The following THSD7B variants were observed in gnomAD, a reference collection of about 807,000 sequenced individuals.
THSD7B encodes thrombospondin type-1 domain-containing protein 7B.
A neutral mutation model predicts 213.6 loss-of-function variants in THSD7B; 138 were observed. The ratio of observed to expected loss-of-function variants is 0.65; its 90% confidence interval spans 0.56 to 0.74. The LOEUF (loss-of-function observed/expected upper bound fraction) is 0.74. THSD7B is among the 30% of genes least tolerant of loss of function. The pLI is 0.00. For missense variants in THSD7B, 1,931 were observed against 1,991.5 expected (o/e 0.97, Z 0.58); for synonymous variants, 742 against 687.0 (o/e 1.08, Z -1.25).
At chr2:137,544,503 A>G (rs1177663482) in intron 15 of THSD7B, among the ~76,000 whole-genome samples, 1 of 151,708 alleles carries the variant, frequency 6.6e-6, no homozygotes, top group Non-Finnish European at 1.5e-5. Flanking sequence ...GCGATGAGGA[A>G]ATATTCTAGA....
intron 7 of THSD7B, among the ~76,000 whole-genome samples, chr2:137,190,219 A>T (rs1429497725): frequency 2.6e-5 from 4 of 151,830 alleles, no homozygotes; most frequent in Non-Finnish European, 5.9e-5. Flanking sequence ...GATTTTTTGA[A>T]CTCTGTGGGT....
At chr2:137,162,328 C>A (rs1014575919) in intron 6 of THSD7B, among the ~76,000 whole-genome samples, 1 of 152,264 alleles carries the variant, frequency 6.6e-6, no homozygotes, top group Admixed American at 6.5e-5. Context: ...CCATTGGTCC[C>A]CGGAAGAGTC....
chr2:137,571,382 G>A (rs1198167331), intron 16 of THSD7B, among the ~76,000 whole-genome samples: 1 of 152,160 alleles, frequency 6.6e-6, no homozygotes, highest in Non-Finnish European at 1.5e-5. Flanking sequence ...GAATAGTGCT[G>A]CTATGAACAT....
At chr2:137,504,799 G>A (rs1421604185) in intron 15 of THSD7B, among the ~76,000 whole-genome samples, 3 of 151,680 alleles carry the variant, frequency 2.0e-5, no homozygotes, top group Non-Finnish European at 4.4e-5. Flanking sequence ...AAGCTGCCAA[G>A]TAAAATAGTA....
chr2:137,191,885 CT>C (rs1680667049), intron 7 of THSD7B, among the ~76,000 whole-genome samples: 1 of 152,018 alleles, frequency 6.6e-6, no homozygotes, highest in Non-Finnish European at 1.5e-5. Flanking sequence ...TTTTTTATGG[CT>C]TCATTGTATC....
At chr2:136,880,508 G>T (rs1683600420) in intron 1 of THSD7B, among the ~76,000 whole-genome samples, 1 of 152,024 alleles carries the variant, frequency 6.6e-6, no homozygotes, top group Non-Finnish European at 1.5e-5. Context: ...ACTGTACATG[G>T]ATATCTGGTA....
intron 6 of THSD7B, among the ~76,000 whole-genome samples, chr2:137,168,794 C>G (rs1215635169): frequency 6.6e-6 from 1 of 152,092 alleles, no homozygotes; most frequent in Non-Finnish European, 1.5e-5. Flanking sequence ...AATAAATAAG[C>G]AGCATGCAGA....
At chr2:136,844,904 C>T (rs1419239243) in intron 1 of THSD7B, among the ~76,000 whole-genome samples, 2 of 152,196 alleles carry the variant, frequency 1.3e-5, no homozygotes, top group East Asian at 3.8e-4. Flanking sequence ...CTAGGTTTGC[C>T]AACACTTTAA....
At chr2:137,175,918 G>C (rs1324579751) in intron 7 of THSD7B, among the ~76,000 whole-genome samples, 3 of 152,046 alleles carry the variant, frequency 2.0e-5, no homozygotes, top group Non-Finnish European at 2.9e-5. Flanking sequence ...TTATTTTTTG[G>C]AATATTTTGC....
At chr2:136,776,443 T>C (rs1485553535) in intron 1 of THSD7B, among the ~76,000 whole-genome samples, 2 of 152,042 alleles carry the variant, frequency 1.3e-5, no homozygotes, top group African/African-American at 4.8e-5. Flanking sequence ...ATCTCTGGTT[T>C]ACTGGTCCAC....
chr2:136,872,058 A>G (rs747725269), intron 1 of THSD7B, among the ~76,000 whole-genome samples: 7 of 152,224 alleles, frequency 4.6e-5, no homozygotes, highest in Non-Finnish European at 1.0e-4. Context: ...ATCAACATAC[A>G]TAGATGTTTA....
chr2:137,163,095 C>T (rs1180120536), intron 6 of THSD7B, among the ~76,000 whole-genome samples: 1 of 152,148 alleles, frequency 6.6e-6, no homozygotes, highest in African/African-American at 2.4e-5. Context: ...GGAACTGGCC[C>T]ATGGAACTTC....
At chr2:137,417,394 T>G (rs895071289) in intron 14 of THSD7B, among the ~76,000 whole-genome samples, 2 of 152,174 alleles carry the variant, frequency 1.3e-5, no homozygotes, top group African/African-American at 4.8e-5. Context: ...AGAGCTTTTT[T>G]TTTCTAATTC....
intron 12 of THSD7B, among the ~76,000 whole-genome samples, chr2:137,324,811 T>G (rs1349639480): frequency 3.9e-5 from 6 of 152,116 alleles, no homozygotes; most frequent in African/African-American, 1.4e-4. Context: ...GAAGACAAAT[T>G]AAAATTAGGA....
chr2:137,237,683 T>A (rs1046553020), intron 9 of THSD7B, among the ~76,000 whole-genome samples: 1 of 152,170 alleles, frequency 6.6e-6, no homozygotes, highest in Non-Finnish European at 1.5e-5. Context: ...TTTTCAGAAG[T>A]TGGGGAGAAC....
chr2:137,489,257 T>C (rs1688551485), intron 15 of THSD7B, among the ~76,000 whole-genome samples: 1 of 151,748 alleles, frequency 6.6e-6, no homozygotes, highest in Non-Finnish European at 1.5e-5. Flanking sequence ...AAACCCCATC[T>C]CTACTAAAAT....
chr2:136,809,558 C>A (rs1482901646), intron 1 of THSD7B, among the ~76,000 whole-genome samples: 1 of 152,114 alleles, frequency 6.6e-6, no homozygotes, highest in Non-Finnish European at 1.5e-5. Context: ...GAGACCCTGC[C>A]TTTCTAATAA....
intron 3 of THSD7B, among the ~76,000 whole-genome samples, chr2:137,076,879 A>G (rs35967139): frequency 0.099 from 14,994 of 151,880 alleles, 1,034 homozygotes; most frequent in African/African-American, 0.19. Flanking sequence ...CAATGTGCAT[A>G]TTAGTTACAT....
chr2:137,115,099 CT>C, intron 4 of THSD7B, 24 bp from the exon 5 acceptor site: 1 of 1,613,544 alleles, frequency 6.2e-7, no homozygotes, highest in Non-Finnish European at 8.5e-7. Flanking sequence ...TCTTCTTCTT[CT>C]TTTAAATAAA....
Sources: gnomAD v4.1 joint callset for allele counts (sites outside exome capture counted in the v4.1 genomes callset) on GRCh38, gnomAD v4.1.1 for gene constraint, MANE v1.5 for transcripts, NCBI Gene and HGNC (gene_info 2026-07-23, HGNC 2026-07-21) for gene names.